The following RGS5 variants were observed in gnomAD, a reference collection of about 807,000 sequenced individuals.
RGS5 encodes the protein regulator of G protein signaling 5, also known as regulator of G-protein signalling 5.
Under a neutral mutation model 18.9 loss-of-function variants are expected in RGS5, and 20 were observed. The ratio of observed to expected loss-of-function variants is 1.06; its 90% CI spans 0.74 to 1.54. The LOEUF (loss-of-function observed/expected upper bound fraction) is 1.54. Ranked by LOEUF, RGS5 falls within the 40% of genes most tolerant of loss-of-function variation. The pLI is 0.00. For synonymous variants in RGS5, 57 were observed against 76.2 expected (o/e 0.75, Z 1.31); for missense variants, 201 against 211.8 (o/e 0.95, Z 0.32).
intron 2 of RGS5, among the ~76,000 whole-genome samples, chr1:163,258,017 G>A (rs544220604): frequency 1.6e-4 from 24 of 152,286 alleles, no homozygotes; most frequent in African/African-American, 5.3e-4. Flanking sequence ...CTGGGCCCCA[G>A]CTGCTGTGTT....
intron 1 of RGS5, among the ~76,000 whole-genome samples, chr1:163,213,606 T>A (rs1238851519): frequency 1.3e-5 from 2 of 152,214 alleles, no homozygotes; most frequent in African/African-American, 4.8e-5. Flanking sequence ...AGAGCCTACA[T>A]CCAGGCTTCT....
upstream of RGS5, among the ~76,000 whole-genome samples, chr1:163,219,357 C>A (rs922118441): frequency 2.0e-5 from 3 of 152,076 alleles, no homozygotes; most frequent in African/African-American, 7.2e-5. Flanking sequence ...AGGATGTACT[C>A]TTTTGTGTCA....
At chr1:163,196,145 C>G (rs535378636) in intron 1 of RGS5, among the ~76,000 whole-genome samples, 13 of 152,100 alleles carry the variant, frequency 8.5e-5, no homozygotes, top group African/African-American at 3.1e-4. Flanking sequence ...TCTTTATCCT[C>G]TGGGTGACTC....
chr1:163,175,067 TG>T (rs922068248), intron 1 of RGS5, among the ~76,000 whole-genome samples: 2 of 152,198 alleles, frequency 1.3e-5, no homozygotes, highest in Non-Finnish European at 2.9e-5. Context: ...TGCTTCCTTC[TG>T]AAGAAACACT....
intron 1 of RGS5, among the ~76,000 whole-genome samples, chr1:163,182,477 A>G (rs1349616893): frequency 6.6e-6 from 1 of 152,178 alleles, no homozygotes; most frequent in Non-Finnish European, 1.5e-5. Flanking sequence ...GTGGAAATTG[A>G]GATATTTCCC....
At chr1:163,197,117 A>G (rs1281325463) in intron 1 of RGS5, among the ~76,000 whole-genome samples, 3 of 152,134 alleles carry the variant, frequency 2.0e-5, no homozygotes, top group Non-Finnish European at 4.4e-5. Context: ...AACCATATGC[A>G]GGACTTGCTG....
At chr1:163,158,713 CCACAGGACCACAGGACCGGGGTGA>C (rs1037502821) in intron 3 of RGS5, among the ~76,000 whole-genome samples, 7 of 152,068 alleles carry the variant, frequency 4.6e-5, no homozygotes, top group Admixed American at 6.6e-5. Flanking sequence ...GATCACAGGA[CCACAGGACCACAGGACCGGGGTGA>C]AATTAAAATT....
Position 163,147,150 on chromosome 1 carries a change from A to G in RGS5, c.*192T>C. 1 of 430,190 alleles carries G rather than the reference A, an allele frequency of 2.3e-6. No individual in the cohort carries two copies. The highest frequency in any genetic ancestry group is 7.4e-5 in the South Asian group (1 of 13,498). The allele number at this position is 430,190 out of a possible 1,614,324, so 26.6% of individuals were successfully genotyped here. A position where few individuals can be genotyped will look rare whatever the true frequency, so the allele number is the denominator to read the frequency against. On this transcript the variant is annotated 3_prime_UTR_variant, in exon 5 of 5. Transcript: ENST00000313961. ...AGGGCAGGAAGAATTGAGTGGGGAA[A>G]GAAGGCCTTCGGACAGTAGATAAGT...
chr1:163,152,634 G>C lies in RGS5; in HGVS notation c.300C>G (p.Tyr100Ter). 6.2e-7 allele frequency: 1 copy of C among 1,612,886 alleles called. No homozygotes were observed. Among genetic ancestry groups the C allele is most frequent in the Non-Finnish European group, 8.5e-7 (1 of 1,179,316 alleles). The change falls in exon 4 of 5, where the codon TAC becomes TAG. Residue 100 changes from tyrosine (Y) to a stop codon, truncating the protein, a stop_gained. Coordinates refer to ENST00000313961, the MANE Select transcript of RGS5 (RefSeq NM_003617.4). LOFTEE classifies it high-confidence loss of function. ...TCTTGGCAGGGGACTTGATCTTCTT[G>C]TAATCCTCACAGGCAATCCAGAACT... ...NLEFWIACED[Y>*]KKIKSPAKMA...
intron 2 of RGS5, among the ~76,000 whole-genome samples, chr1:163,294,650 T>C (rs1028640250): frequency 3.3e-5 from 5 of 152,272 alleles, no homozygotes; most frequent in Non-Finnish European, 7.3e-5. Flanking sequence ...TGCAAATTTC[T>C]GTAATAGGCT....
At chr1:163,299,394 A>G (rs1168192250) in intron 2 of RGS5, among the ~76,000 whole-genome samples, 1 of 151,916 alleles carries the variant, frequency 6.6e-6, no homozygotes, top group Non-Finnish European at 1.5e-5. Flanking sequence ...ACAATGAAAA[A>G]CTCAGGGAGT....
At chr1:163,227,577 T>C (rs1244564234) in intron 2 of RGS5, among the ~76,000 whole-genome samples, 1 of 151,412 alleles carries the variant, frequency 6.6e-6, no homozygotes, top group African/African-American at 2.4e-5. Flanking sequence ...ACCATATCAT[T>C]CCACCCCCAC....
At chr1:163,157,959 T>C (rs1294441385) in intron 3 of RGS5, among the ~76,000 whole-genome samples, 3 of 152,204 alleles carry the variant, frequency 2.0e-5, no homozygotes, top group African/African-American at 4.8e-5. Flanking sequence ...ATTACAGATA[T>C]GAGCCACCAC....
At chr1:163,160,092 T>C (rs1454888645) in intron 3 of RGS5, among the ~76,000 whole-genome samples, 2 of 152,192 alleles carry the variant, frequency 1.3e-5, no homozygotes, top group Non-Finnish European at 2.9e-5. Flanking sequence ...TAACCCTAGC[T>C]TTCTTATTCT....
chr1:163,182,323 A>C (rs1318375294), intron 1 of RGS5, among the ~76,000 whole-genome samples: 1 of 152,210 alleles, frequency 6.6e-6, no homozygotes, highest in Non-Finnish European at 1.5e-5. Flanking sequence ...AGTGACAAAG[A>C]AAGCAAGTGT....
chr1:163,164,596 G>C (rs1657963424), intron 2 of RGS5, among the ~76,000 whole-genome samples: 1 of 152,144 alleles, frequency 6.6e-6, no homozygotes, highest in Admixed American at 6.5e-5. Flanking sequence ...CTATCCTGTG[G>C]TGTACCCTTA....
At chr1:163,293,854 C>A (rs1484121034) in intron 2 of RGS5, among the ~76,000 whole-genome samples, 1 of 152,170 alleles carries the variant, frequency 6.6e-6, no homozygotes, top group African/African-American at 2.4e-5. Context: ...GGGCCACAGG[C>A]ACTTTGTTTA....
At chr1:163,281,624 G>A (rs1457696150) in intron 2 of RGS5, among the ~76,000 whole-genome samples, 2 of 152,040 alleles carry the variant, frequency 1.3e-5, no homozygotes, top group Admixed American at 6.6e-5. Flanking sequence ...CAACATTGGG[G>A]ATCATGTTTC....
chr1:163,287,807 A>C (rs1173370553), intron 2 of RGS5, among the ~76,000 whole-genome samples: 1 of 152,122 alleles, frequency 6.6e-6, no homozygotes, highest in African/African-American at 2.4e-5. Flanking sequence ...ACTTTATTAC[A>C]TTTCACCACA....
Sources: gnomAD v4.1 joint callset for allele counts (sites outside exome capture counted in the v4.1 genomes callset) on GRCh38, gnomAD v4.1.1 for gene constraint, MANE v1.5 for transcripts, NCBI Gene and HGNC (gene_info 2026-07-23, HGNC 2026-07-21) for gene names.